The following ERBIN variants were observed in gnomAD, a reference collection of about 807,000 sequenced individuals.
The protein encoded by ERBIN is densin-180-like protein.
In ERBIN, 60 loss-of-function variants were observed where a neutral mutation model predicts 158.4. That is an observed-to-expected ratio of 0.38 (90% CI 0.31 to 0.47). ERBIN has a LOEUF of 0.47. Ranked by LOEUF, ERBIN falls within the 20% of genes least tolerant of loss-of-function variation. The probability of loss-of-function intolerance (pLI) is 0.99; values close to 1 mark genes in which losing one functional copy is unlikely to be tolerated. For synonymous variants in ERBIN, 594 were observed against 557.2 expected, an observed-to-expected ratio of 1.07 and a Z score of -0.93; for missense variants, 1,610 against 1,648.0, an observed-to-expected ratio of 0.98 and a Z score of 0.40.
intron 3 of ERBIN, among the ~76,000 whole-genome samples, chr5:65,993,479 T>G (rs1164040356): frequency 6.6e-6 from 1 of 151,034 alleles, no homozygotes; most frequent in African/African-American, 2.4e-5. Flanking sequence ...TATCACCTTG[T>G]TTTTTTTTCA....
rs188204211 is a variant in ERBIN, at chr5:65,971,241, G to A, written c.-57-17394G>A. The stretch of plus-strand genomic sequence containing the variant: ...TTGCAGATTTATCTTGTTTGTGCAT[G>A]CTGGTTTTTTTTTTTTTCAGTGTTC... On this transcript the variant is annotated intron_variant, in intron 1 of 25. Coordinates refer to ENST00000284037, the MANE Select transcript of ERBIN (RefSeq NM_001253697.2). Among the ~76,000 whole-genome samples, 14 of 150,500 alleles carry A rather than the reference G, an allele frequency of 9.3e-5. No individual in the cohort carries two copies. In the East Asian group the frequency reaches 2.5e-3, roughly 27 times the overall value.
intron 7 of ERBIN, among the ~76,000 whole-genome samples, chr5:66,019,763 T>C (rs552796945): frequency 2.2e-4 from 33 of 152,302 alleles, no homozygotes; most frequent in African/African-American, 7.9e-4. Context: ...TTTTCATTTT[T>C]GTACCCTTTT....
At chr5:66,063,298 T>C (rs1760634237) in intron 21 of ERBIN, among the ~76,000 whole-genome samples, 2 of 152,206 alleles carry the variant, frequency 1.3e-5, no homozygotes, top group Non-Finnish European at 2.9e-5. Flanking sequence ...ACTGCTGTGC[T>C]AGCAATGAGC....
At chr5:66,040,879 A>G (rs1176342825) in intron 15 of ERBIN, among the ~76,000 whole-genome samples, 3 of 151,612 alleles carry the variant, frequency 2.0e-5, no homozygotes, top group Non-Finnish European at 3.0e-5. Context: ...AAGATTCTAA[A>G]GGTAGATAGT....
At chr5:66,045,034 G>A (rs1016011968) in intron 17 of ERBIN, among the ~76,000 whole-genome samples, 5 of 151,890 alleles carry the variant, frequency 3.3e-5, no homozygotes, top group Non-Finnish European at 7.4e-5. Flanking sequence ...GGGCAACATA[G>A]CAAGACAACC....
intron 21 of ERBIN, among the ~76,000 whole-genome samples, chr5:66,067,131 C>G (rs1314241522): frequency 6.6e-6 from 1 of 152,062 alleles, no homozygotes; most frequent in Non-Finnish European, 1.5e-5. Context: ...TATGAAACCT[C>G]CAGATTGCCT....
intron 1 of ERBIN, among the ~76,000 whole-genome samples, chr5:65,970,338 CCAGT>C (rs1324317201): frequency 6.6e-6 from 1 of 152,154 alleles, no homozygotes; most frequent in African/African-American, 2.4e-5. Flanking sequence ...CTGCTGCTTA[CCAGT>C]CAAAGTCTAT....
At position 66,082,137 on chromosome 5, in the gene ERBIN, G is replaced by A. The variant is rs1341031530; in HGVS notation, c.*3607G>A. ...CAGTTTTTCAAGATTAGAATCTGTG[G>A]TCAGCTATAACGTACAGTCCTAATA... On this transcript the variant is annotated 3_prime_UTR_variant, in exon 26 of 26. Coordinates refer to ENST00000284037, the MANE Select transcript of ERBIN (RefSeq NM_001253697.2). 1 of 152,120 alleles carries A rather than the reference G, an allele frequency of 6.6e-6. No homozygotes were observed. The highest frequency in any genetic ancestry group is 1.5e-5 in the Non-Finnish European group (1 of 68,024). The allele number at this position is 152,120 out of a possible 1,614,324, so 9.4% of individuals were successfully genotyped here. A position where few individuals can be genotyped will look rare whatever the true frequency, so the allele number is the denominator to read the frequency against.
intron 1 of ERBIN, among the ~76,000 whole-genome samples, chr5:65,937,883 G>T (rs1467007528): frequency 6.6e-6 from 1 of 152,134 alleles, no homozygotes; most frequent in Admixed American, 6.5e-5. Context: ...CACCCAGCCT[G>T]GGGGACTGAG....
intron 22 of ERBIN, among the ~76,000 whole-genome samples, chr5:66,073,260 A>G (rs1761690475): frequency 2.0e-5 from 3 of 152,184 alleles, no homozygotes; most frequent in African/African-American, 7.2e-5. Context: ...ATTTGCATGT[A>G]GGAATAAATG....
intron 1 of ERBIN, among the ~76,000 whole-genome samples, chr5:65,932,923 C>A (rs945499434): frequency 6.6e-6 from 1 of 151,954 alleles, no homozygotes; most frequent in South Asian, 2.1e-4. Flanking sequence ...CACCTTCAGC[C>A]GAGACTATAG....
intron 14 of ERBIN, among the ~76,000 whole-genome samples, chr5:66,032,265 A>G (rs763741120): frequency 3.3e-5 from 5 of 152,192 alleles, no homozygotes; most frequent in Non-Finnish European, 7.4e-5. Context: ...AAGATTTTTT[A>G]AAATCTTGTA....
Position 66,075,055 on chromosome 5 carries a change from C to G in ERBIN, c.3788C>G (p.Pro1263Arg). ...MPLSNGQMGQ[P>R]LRPQANYSQI... Reference sequence around the variant, plus strand: ...TTGAGTAATGGACAGATGGGCCAGCCTCTCAGGCCTCAGGCAAATTATAGT... The same window carrying G: ...TTGAGTAATGGACAGATGGGCCAGCGTCTCAGGCCTCAGGCAAATTATAGT... Residue 1263 changes from proline to arginine, a missense_variant, in exon 23 of 26, where the codon CCT becomes CGT. Physicochemically the swap from Pro to Arg is moderately radical, Grantham distance 103. Transcript: ENST00000284037. The G allele has an allele frequency of 6.2e-7, 1 of 1,614,100 alleles. No individual in the cohort carries two copies. Among genetic ancestry groups the G allele is most frequent in the Non-Finnish European group, 8.5e-7 (1 of 1,180,006 alleles).
At chr5:66,045,852 T>G (rs1290467266) in intron 17 of ERBIN, among the ~76,000 whole-genome samples, 2 of 152,218 alleles carry the variant, frequency 1.3e-5, no homozygotes, top group Non-Finnish European at 2.9e-5. Context: ...TAATTCTCAT[T>G]TTAAATGTAA....
intron 22 of ERBIN, among the ~76,000 whole-genome samples, chr5:66,072,982 A>C (rs1761664317): frequency 6.6e-6 from 1 of 152,214 alleles, no homozygotes; most frequent in African/African-American, 2.4e-5. Flanking sequence ...ACTTAAGTTC[A>C]TCTAATATAT....
chr5:65,985,605 C>T (rs1182379732), intron 1 of ERBIN, among the ~76,000 whole-genome samples: 1 of 152,156 alleles, frequency 6.6e-6, no homozygotes, highest in African/African-American at 2.4e-5. Flanking sequence ...TGAATGGTTG[C>T]CCAAATCCTA....
At chr5:65,972,562 G>A (rs2150989495) in intron 1 of ERBIN, among the ~76,000 whole-genome samples, 1 of 151,418 alleles carries the variant, frequency 6.6e-6, no homozygotes, top group African/African-American at 2.5e-5. Context: ...AATAATGTTT[G>A]GTTAAGTAGA....
chr5:66,077,340 C>T (rs1197874034), intron 25 of ERBIN, among the ~76,000 whole-genome samples: 1 of 152,006 alleles, frequency 6.6e-6, no homozygotes, highest in Non-Finnish European at 1.5e-5. Context: ...TTTCTTTGTT[C>T]ATTCAGCTAC....
chr5:66,002,152 T>C (rs1314809012), intron 4 of ERBIN, among the ~76,000 whole-genome samples: 1 of 152,212 alleles, frequency 6.6e-6, no homozygotes, highest in Non-Finnish European at 1.5e-5. Flanking sequence ...ACCCATTCTT[T>C]TTTATGGCTG....
Sources: gnomAD v4.1 joint callset for allele counts (sites outside exome capture counted in the v4.1 genomes callset) on GRCh38, gnomAD v4.1.1 for gene constraint, MANE v1.5 for transcripts, NCBI Gene and HGNC (gene_info 2026-07-23, HGNC 2026-07-21) for gene names.